Variants in COL5A2 observed in about 807,000 individuals in gnomAD.
COL5A2 encodes collagen type V alpha 2 chain, also known as collagen alpha-2(V) chain.
In COL5A2, 23 loss-of-function variants were observed where a neutral mutation model predicts 208.2. The observed-to-expected ratio is 0.11, with a 90% CI of 0.08 to 0.16. The LOEUF is 0.16. Among genes scored for constraint, COL5A2 ranks in the 10% least tolerant of loss-of-function variants. The pLI is 1.00. For synonymous variants in COL5A2, 625 were observed against 628.5 expected, an observed-to-expected ratio of 0.99 and a Z score of 0.08; for missense variants, 1,590 against 1,956.4, an observed-to-expected ratio of 0.81 and a Z score of 3.53.
the COL5A2 span, among the ~76,000 whole-genome samples, chr2:189,302,459 G>T: frequency 6.6e-6 from 1 of 152,002 alleles, no homozygotes; most frequent in Non-Finnish European, 1.5e-5. Flanking sequence ...AAGTGGCAGG[G>T]CTCTCTCATC....
chr2:189,164,803 AC>A (rs2105808187), intron 1 of COL5A2, among the ~76,000 whole-genome samples: 1 of 152,192 alleles, frequency 6.6e-6, no homozygotes, highest in East Asian at 1.9e-4. Flanking sequence ...GAAAATTAAG[AC>A]CCCAACACAT....
chr2:189,371,548 C>G, the COL5A2 span, among the ~76,000 whole-genome samples: 2 of 152,174 alleles, frequency 1.3e-5, no homozygotes, highest in Admixed American at 1.3e-4. Context: ...TTATTGGGAA[C>G]TGGAGTCAAG....
chr2:189,140,158 T>C (rs1252976514), intron 1 of COL5A2, among the ~76,000 whole-genome samples: 2 of 152,168 alleles, frequency 1.3e-5, no homozygotes, highest in African/African-American at 2.4e-5. Flanking sequence ...TCTCCAGTTA[T>C]AAACATCAAG....
At chr2:189,355,372 C>T in the COL5A2 span, among the ~76,000 whole-genome samples, 1 of 152,092 alleles carries the variant, frequency 6.6e-6, no homozygotes, top group Non-Finnish European at 1.5e-5. Flanking sequence ...CTAATATTGA[C>T]AGTGGGGTGT....
At chr2:189,196,305 C>T (rs899496228) in intron 1 of COL5A2, among the ~76,000 whole-genome samples, 12 of 150,308 alleles carry the variant, frequency 8.0e-5, no homozygotes, top group East Asian at 7.8e-4. Context: ...TGTATTATAT[C>T]TCTTTATTCT....
At chr2:189,076,382 A>G (rs1018239780) in intron 16 of COL5A2, among the ~76,000 whole-genome samples, 3 of 152,224 alleles carry the variant, frequency 2.0e-5, no homozygotes, top group Non-Finnish European at 4.4e-5. Flanking sequence ...CGATGGCACA[A>G]TGGAAAATAT....
rs1161004549 is a variant in COL5A2, at chr2:189,168,242, T to TG, written c.97+11265_97+11266insC. On this transcript the variant is annotated intron_variant, in intron 1 of 53. Coordinates refer to ENST00000374866, the MANE Select transcript of COL5A2 (RefSeq NM_000393.5). The stretch of plus-strand genomic sequence containing the variant: ...GCGTGAGCCACTGTGCCCGGGTTTT[T>TG]TTTTTTTTTTTTAATTCTTACAACA... 1.7e-3 allele frequency among the ~76,000 whole-genome samples: 252 copies of TG among 151,170 alleles called. 1 individual carries two copies. The highest frequency in any genetic ancestry group is 5.6e-3 in the African/African-American group (233 of 41,300).
At chr2:189,175,742 G>A (rs902820677) in intron 1 of COL5A2, among the ~76,000 whole-genome samples, 4 of 152,092 alleles carry the variant, frequency 2.6e-5, no homozygotes, top group African/African-American at 9.6e-5. Flanking sequence ...GGGTAGGGAC[G>A]GAGTTTTGCC....
the COL5A2 span, among the ~76,000 whole-genome samples, chr2:189,368,769 C>T: frequency 6.6e-6 from 1 of 152,158 alleles, no homozygotes; most frequent in African/African-American, 2.4e-5. Context: ...ACAGCCAAGA[C>T]TTTCTCCTTT....
intron 1 of COL5A2, among the ~76,000 whole-genome samples, chr2:189,201,812 A>C (rs1689070802): frequency 6.6e-6 from 1 of 151,948 alleles, no homozygotes; most frequent in African/African-American, 2.4e-5. Flanking sequence ...TGGAATTCTC[A>C]AGAGATATGC....
At chr2:189,141,993 T>C (rs952072647) in intron 1 of COL5A2, among the ~76,000 whole-genome samples, 6 of 152,286 alleles carry the variant, frequency 3.9e-5, no homozygotes, top group African/African-American at 1.4e-4. Flanking sequence ...GAATTTCCTA[T>C]GCCTATGGTG....
the COL5A2 span, among the ~76,000 whole-genome samples, chr2:189,386,900 T>C: frequency 6.6e-6 from 1 of 152,180 alleles, no homozygotes; most frequent in Non-Finnish European, 1.5e-5. Flanking sequence ...GTTCAGCCAC[T>C]GTGGCGAGGA....
the COL5A2 span, among the ~76,000 whole-genome samples, chr2:189,329,484 C>T: frequency 6.6e-6 from 1 of 151,610 alleles, no homozygotes; most frequent in African/African-American, 2.4e-5. Context: ...ATTTCCTCAC[C>T]AAAAAAAGAC....
chr2:189,263,471 T>C, the COL5A2 span, among the ~76,000 whole-genome samples: 11 of 152,168 alleles, frequency 7.2e-5, no homozygotes, highest in African/African-American at 2.4e-4. Context: ...CCTAGTGACG[T>C]AGCTTTCCTA....
intron 26 of COL5A2, among the ~76,000 whole-genome samples, chr2:189,063,575 G>A (rs1686081424): frequency 6.6e-6 from 1 of 152,040 alleles, no homozygotes. Context: ...GAAAATTCAG[G>A]ACTTCTATTT....
chr2:189,395,674 C>T, the COL5A2 span, among the ~76,000 whole-genome samples: 6 of 151,786 alleles, frequency 4.0e-5, no homozygotes, highest in South Asian at 2.1e-4. Flanking sequence ...GAAGCTGAGG[C>T]GGGTGGGTCA....
chr2:189,398,938 T>C, the COL5A2 span, among the ~76,000 whole-genome samples: 21,584 of 152,220 alleles, frequency 0.14, 1,960 homozygotes, highest in South Asian at 0.21. Flanking sequence ...AGTCTAATAG[T>C]ATTTTTACCA....
rs573524908 is a variant in COL5A2 at position 189,035,254 on chromosome 2, A to C, written c.4114-99T>G. On this transcript the variant is annotated intron_variant, in intron 52 of 53. Transcript: ENST00000374866. ...TATATAAATTGATTTCAGATAAATC[A>C]ATTTTGAAGAGTATTACTTTAATTC... 2.3e-5 allele frequency: 34 copies of C among 1,457,914 alleles called. No homozygotes were observed. In the African/African-American group the frequency reaches 3.4e-4, roughly 15 times the overall value. 90.3% of individuals were successfully genotyped at this position (1,457,914 alleles called of 1,614,324 possible). A position where few individuals can be genotyped will look rare whatever the true frequency, so the allele number is the denominator to read the frequency against.
intron 17 of COL5A2, among the ~76,000 whole-genome samples, chr2:189,073,768 G>A (rs1408000972): frequency 6.6e-6 from 1 of 152,126 alleles, no homozygotes; most frequent in Non-Finnish European, 1.5e-5. Flanking sequence ...AAAAGCACAT[G>A]TATAATAAGT....
Sources: allele counts gnomAD v4.1 joint callset (sites outside exome capture counted in the v4.1 genomes callset), GRCh38; gene constraint gnomAD v4.1.1; transcripts MANE v1.5; gene names NCBI Gene and HGNC (gene_info 2026-07-23, HGNC 2026-07-21).